RP1L1: variants seen among roughly 807,000 people sequenced by gnomAD.
RP1L1 encodes the protein RP1 like 1.
A neutral mutation model predicts 15.7 loss-of-function variants in RP1L1; 27 were observed. The ratio of observed to expected loss-of-function variants is 1.72; its 90% confidence interval spans 1.27 to 2.38. The LOEUF is 2.38. Ranked by LOEUF, RP1L1 falls within the 30% of genes most tolerant of loss-of-function variation. The pLI, the probability that RP1L1 is intolerant of heterozygous loss-of-function variation, is 0.00. For synonymous variants in RP1L1, 1,813 were observed against 1,276.7 expected, an observed-to-expected ratio of 1.42 and a Z score of -8.96; for missense variants, 4,798 against 3,075.9, an observed-to-expected ratio of 1.56 and a Z score of -13.24.
Position 10,609,589 on chromosome 8 carries a change from G to T in RP1L1, c.4509C>A (p.Ser1503Arg). 6.2e-7 allele frequency: 1 copy of T among 1,605,004 alleles called. No individual in the cohort carries two copies. Among genetic ancestry groups the T allele is most frequent in the Non-Finnish European group, 8.5e-7 (1 of 1,178,488 alleles). The change falls in exon 4 of 4, where the codon AGC becomes AGA. Residue 1503 changes from serine (S) to arginine (R), a missense_variant. Transcript: ENST00000382483. The stretch of plus-strand genomic sequence containing the variant: ...GAGCCGCGCTGCAGGCCACCGAAGA[G>T]CTCCTCTCTGCAGCCCCCTGGGTGG... ...AQPTQGAAER[S>R]SSVACSAALD...
chr8:10,621,714 C>T (rs779187738), intron 2 of RP1L1: 1 of 503,660 alleles, frequency 2.0e-6, no homozygotes, highest in South Asian at 1.5e-5. Flanking sequence ...TGAATTAGGT[C>T]AGTCAACCTC....
chr8:10,651,891 C>A (rs1798568327), intron 1 of RP1L1, among the ~76,000 whole-genome samples: 1 of 152,082 alleles, frequency 6.6e-6, no homozygotes, highest in Non-Finnish European at 1.5e-5. Flanking sequence ...TGACAGTGCC[C>A]CATGAGATGA....
rs551094300 is a variant in RP1L1, at chr8:10,619,238, C to T, written c.610-2651G>A. Among the ~76,000 whole-genome samples the T allele has an allele frequency of 3.2e-4, 48 of 152,270 alleles. 1 individual carries two copies. The South Asian group carries it at 7.5e-3, about 24-fold the overall frequency. On this transcript the variant is annotated intron_variant, in intron 2 of 3. Transcript: ENST00000382483. ...TCCCTTGCAGCTTGGGATCTAAATGCGAAATAAGTCCCACTAATAAGATGC... is the reference window on the plus strand; with the variant it reads ...TCCCTTGCAGCTTGGGATCTAAATGTGAAATAAGTCCCACTAATAAGATGC...
At position 10,624,597 on chromosome 8, in the gene RP1L1, G is replaced by A. The variant is rs540788278; in HGVS notation, c.-19-1377C>T. Among the ~76,000 whole-genome samples, 3 of 152,344 alleles carry A rather than the reference G, an allele frequency of 2.0e-5. No individual in the cohort carries two copies. The South Asian group carries it at 6.2e-4, about 32-fold the overall frequency. On this transcript the variant is annotated intron_variant, in intron 1 of 3. Coordinates refer to ENST00000382483, the MANE Select transcript of RP1L1 (RefSeq NM_178857.6). ...CCTGGCGTCTTCTCTGACCAGCTGG[G>A]TGGTGTTGGAAGGCTGGGAGGAGAA...
At position 10,609,463 on chromosome 8, in the gene RP1L1, C is replaced by G. The variant is rs543291993; in HGVS notation, c.4635G>C (p.Trp1545Cys). ...ASAVAELRAR[W>C]GLQDNDLLDQ... ...CCAGCAGATCATTGTCCTGCAGGCCCCAGCGTGCTCGGAGCTCAGCCACCG... is the reference window on the plus strand; with the variant it reads ...CCAGCAGATCATTGTCCTGCAGGCCGCAGCGTGCTCGGAGCTCAGCCACCG... The change falls in exon 4 of 4, where the codon TGG becomes TGC. Residue 1545 changes from tryptophan to cysteine, a missense_variant. By Grantham distance (215) the Trp-to-Cys change is radical. Coordinates refer to ENST00000382483, the MANE Select transcript of RP1L1 (RefSeq NM_178857.6). The G allele has an allele frequency of 1.2e-6, 2 of 1,612,310 alleles. No homozygotes were observed. Among genetic ancestry groups the G allele is most frequent in the East Asian group, 2.2e-5 (1 of 44,868 alleles).
chr8:10,645,090 G>C lies in RP1L1; in HGVS notation c.-20+9808C>G, dbSNP rs377198293. ...GCCTGTAATTTCAGAACTTTGGGGG[G>C]CTAAGGCAGGAGGGTCACTTAAGGC... On this transcript the variant is annotated intron_variant, in intron 1 of 3. Coordinates refer to ENST00000382483, the MANE Select transcript of RP1L1 (RefSeq NM_178857.6). Among the ~76,000 whole-genome samples, 4 of 152,190 alleles carry C rather than the reference G, an allele frequency of 2.6e-5. No homozygotes were observed. In the South Asian group the frequency reaches 8.3e-4, roughly 31 times the overall value.
In RP1L1 at chr8:10,610,420, C is replaced by T. The variant is rs762348209; in HGVS notation, c.3678G>A (p.Gln1226=). 2.9e-5 allele frequency: 46 copies of T among 1,613,790 alleles called. No homozygotes were observed. The highest frequency in any genetic ancestry group is 3.8e-5 in the Non-Finnish European group (45 of 1,180,016). Reference sequence around the variant, plus strand: ...AGGTTTTCAGGGGCAGCTCTGTCCCCTGTGTCACCAGGGTGCCGTCCATGG... The same window carrying T: ...AGGTTTTCAGGGGCAGCTCTGTCCCTTGTGTCACCAGGGTGCCGTCCATGG... ...PCAMDGTLVT[Q]GTELPLKTSN... Residue 1226 remains glutamine (Q), a synonymous_variant, in exon 4 of 4, where the codon CAG becomes CAA. Transcript: ENST00000382483.
intron 1 of RP1L1, among the ~76,000 whole-genome samples, chr8:10,653,459 A>AACACACACACACACAC (rs57172931): frequency 9.1e-4 from 136 of 148,812 alleles, no homozygotes; most frequent in Non-Finnish European, 1.3e-3. Context: ...GTCTCCCTCC[A>AACACACACACACACAC]ACACACACAC....
chr8:10,623,303 C>T (rs1798102681), intron 1 of RP1L1, 83 bp from the exon 2 acceptor site: 1 of 1,034,454 alleles, frequency 9.7e-7, no homozygotes, highest in African/African-American at 1.6e-5. Flanking sequence ...TCTAGAGGTG[C>T]TTCCTGCCCA....
chr8:10,607,034 G>T lies in RP1L1; in HGVS notation c.7064C>A (p.Ala2355Asp). Residue 2355 changes from alanine to aspartate, a missense_variant, in exon 4 of 4, where the codon GCC becomes GAC. Transcript: ENST00000382483. The part of the protein sequence containing the change: ...PESSTSEQEE[A>D]PLGSRTPEQG... ...CTCTGGAGTCCTTGAGCCCAAAGGGGCCTCTTCTTGCTCAGAAGTAGAACT... is the reference window on the plus strand; with the variant it reads ...CTCTGGAGTCCTTGAGCCCAAAGGGTCCTCTTCTTGCTCAGAAGTAGAACT... 6.2e-7 allele frequency: 1 copy of T among 1,614,216 alleles called. No homozygotes were observed. Among genetic ancestry groups the T allele is most frequent in the Non-Finnish European group, 8.5e-7 (1 of 1,180,040 alleles).
At chr8:10,623,688 A>G (rs538000095) in intron 1 of RP1L1, among the ~76,000 whole-genome samples, 2 of 150,734 alleles carry the variant, frequency 1.3e-5, no homozygotes, top group African/African-American at 4.9e-5. Flanking sequence ...TAGCACCTCC[A>G]TGTTCCCAGG....
In RP1L1 at chr8:10,623,161, C is replaced by A. The variant is rs544332270; in HGVS notation, c.41G>T (p.Arg14Leu). The change falls in exon 2 of 4, where the codon CGT becomes CTT. Residue 14 changes from arginine (R) to leucine (L), a missense_variant. Transcript: ENST00000382483. Reference protein sequence around the residue: ...TPRNAQAPSHRECFLPSVART... With the variant: ...TPRNAQAPSHLECFLPSVART... ...AGCCACAGAGGGCAGGAAGCACTCA[C>A]GGTGGCTCGGGGCCTGGGCATTCCT... is the stretch of plus-strand genomic sequence containing the variant. 7 of 1,588,712 alleles carry A rather than the reference C, an allele frequency of 4.4e-6. No individual in the cohort carries two copies. The South Asian group carries it at 5.8e-5, about 13-fold the overall frequency.
rs751528500 is a variant in RP1L1 at position 10,610,495 on chromosome 8, C to T, written c.3603G>A (p.Val1201=). Reference sequence around the variant, plus strand: ...AGCCTCCAGAGCCGCTGCTGATGTCCACACCAGAGGAGGATGTGGGCGTGA... The same window carrying T: ...AGCCTCCAGAGCCGCTGCTGATGTCTACACCAGAGGAGGATGTGGGCGTGA... ...ENFTPTSSSG[V]DISSGSGGSG... Residue 1201 remains valine (V), a synonymous_variant, in exon 4 of 4, where the codon GTG becomes GTA. Coordinates refer to ENST00000382483, the MANE Select transcript of RP1L1 (RefSeq NM_178857.6). 5.0e-6 allele frequency: 8 copies of T among 1,613,666 alleles called. No individual in the cohort carries two copies. Among genetic ancestry groups the T allele is most frequent in the Admixed American group, 1.7e-5 (1 of 60,000 alleles).
chr8:10,648,252 G>T (rs966539164), intron 1 of RP1L1, among the ~76,000 whole-genome samples: 1 of 152,050 alleles, frequency 6.6e-6, no homozygotes, highest in Non-Finnish European at 1.5e-5. Context: ...GGCTGGTCTC[G>T]AACTCCTGAC....
intron 3 of RP1L1, among the ~76,000 whole-genome samples, chr8:10,613,762 C>T (rs1357965339): frequency 1.3e-5 from 2 of 151,894 alleles, no homozygotes; most frequent in East Asian, 1.9e-4. Context: ...TGCGCTCCAG[C>T]CTGGATGACA....
chr8:10,622,579 C>A lies in RP1L1; in HGVS notation c.609+14G>T, dbSNP rs1798077839. 5.6e-6 allele frequency: 9 copies of A among 1,614,136 alleles called. No individual in the cohort carries two copies. In the East Asian group the frequency reaches 1.8e-4, roughly 32 times the overall value. On this transcript the variant is annotated intron_variant, in intron 2 of 3. Transcript: ENST00000382483. ...AGAACCTTTTCAAGGAACCGTCAGA[C>A]CCCAACAGCCTACCTTTTTCCCGCT...
At chr8:10,621,543 C>T (rs1798058994) in intron 2 of RP1L1, 2 of 356,416 alleles carry the variant, frequency 5.6e-6, no homozygotes. Context: ...CCAGGCTGAT[C>T]TCGAACTCCT....
chr8:10,608,750 G>C lies in RP1L1; in HGVS notation c.5348C>G (p.Ala1783Gly). ...EGKTHNSETS[A>G]GSELGEAEQE... ...CTCAGCTTCCCCCAACTCACTGCCC[G>C]CACTGGTTTCACTGTTGTGGGTTTT... The change falls in exon 4 of 4, where the codon GCG becomes GGG. Residue 1783 changes from alanine to glycine, a missense_variant. Transcript: ENST00000382483. 2 of 1,614,124 alleles carry C rather than the reference G, an allele frequency of 1.2e-6. No individual in the cohort carries two copies. Among genetic ancestry groups the C allele is most frequent in the Non-Finnish European group, 1.7e-6 (2 of 1,180,030 alleles).
chr8:10,616,124 G>C (rs1797960648), intron 3 of RP1L1, among the ~76,000 whole-genome samples: 1 of 152,064 alleles, frequency 6.6e-6, no homozygotes, highest in Admixed American at 6.6e-5. Context: ...GCCCAGGCGG[G>C]TGTCCAACTC....
Sources: gnomAD v4.1 joint callset for allele counts (sites outside exome capture counted in the v4.1 genomes callset) on GRCh38, gnomAD v4.1.1 for gene constraint, MANE v1.5 for transcripts, NCBI Gene and HGNC (gene_info 2026-07-23, HGNC 2026-07-21) for gene names.